GLIS3: variants seen among roughly 807,000 people sequenced by gnomAD.
The protein encoded by GLIS3 is zinc finger protein GLIS3.
GLIS3 carries 53 observed loss-of-function variants against 78.6 expected under a neutral mutation model. That is an observed-to-expected ratio of 0.67 (90% CI 0.54 to 0.85). The LOEUF (loss-of-function observed/expected upper bound fraction) is 0.85, where lower values mean the gene tolerates loss of function less well. GLIS3 is among the 40% of genes least tolerant of loss of function. The pLI is 0.00. For synonymous variants in GLIS3, 684 were observed against 509.9 expected, an observed-to-expected ratio of 1.34 and a Z score of -4.60; for missense variants, 1,703 against 1,231.1, an observed-to-expected ratio of 1.38 and a Z score of -5.74.
At chr9:4,188,876 C>T (rs199596383) in intron 2 of GLIS3, among the ~76,000 whole-genome samples, 4 of 152,040 alleles carry the variant, frequency 2.6e-5, no homozygotes, top group Admixed American at 2.6e-4. Context: ...ATCTATTTCA[C>T]TCTTCTCTCT....
Position 3,896,329 on chromosome 9 carries a change from A to AAGTT in GLIS3, c.2128+2358_2128+2361dup, listed in dbSNP as rs578248349. The stretch of plus-strand genomic sequence containing the variant: ...GCGTAACATTTTTTTAAAAGGAAGA[A>AAGTT]AGTTAGAAAGCAAAATCATACCTGA... On this transcript the variant is annotated intron_variant, in intron 7 of 10. Coordinates refer to ENST00000381971, the MANE Select transcript of GLIS3 (RefSeq NM_001042413.2). 1.1e-4 allele frequency among the ~76,000 whole-genome samples: 16 copies of AAGTT among 152,276 alleles called. No homozygotes were observed. The South Asian group carries it at 2.3e-3, about 22-fold the overall frequency.
intron 2 of GLIS3, among the ~76,000 whole-genome samples, chr9:4,344,869 C>T (rs1266566243): frequency 1.3e-5 from 2 of 152,212 alleles, no homozygotes; most frequent in African/African-American, 2.4e-5. Context: ...GCTCACCCAT[C>T]AGCGAATCTT....
At chr9:4,298,573 C>G in intron 1 of GLIS3, 1 of 313,840 alleles carries the variant, frequency 3.2e-6, no homozygotes, top group Non-Finnish European at 6.4e-6. Flanking sequence ...CCCGGGCCGA[C>G]TTCAAAATAC....
upstream of GLIS3, among the ~76,000 whole-genome samples, chr9:4,300,765 G>A (rs1817035308): frequency 6.6e-6 from 1 of 151,726 alleles, no homozygotes; most frequent in African/African-American, 2.4e-5. Context: ...CCCTCAAAAG[G>A]TTGTTACAAG....
At chr9:4,178,840 A>T (rs1817025114) in intron 2 of GLIS3, among the ~76,000 whole-genome samples, 1 of 152,208 alleles carries the variant, frequency 6.6e-6, no homozygotes, top group South Asian at 2.1e-4. Flanking sequence ...AGAAACAAAC[A>T]TCTTTGAGGG....
At chr9:4,307,438 C>A (rs1423469404) in intron 4 of GLIS3, among the ~76,000 whole-genome samples, 1 of 152,142 alleles carries the variant, frequency 6.6e-6, no homozygotes. Flanking sequence ...AGCCCCCAAG[C>A]CTGCTGTTTT....
chr9:3,988,563 T>C (rs889799692), intron 4 of GLIS3, among the ~76,000 whole-genome samples: 21 of 152,140 alleles, frequency 1.4e-4, no homozygotes, highest in African/African-American at 4.6e-4. Context: ...AATTAATACA[T>C]AGATCGATTG....
chr9:4,085,980 C>G (rs1034476975), intron 4 of GLIS3, among the ~76,000 whole-genome samples: 1 of 152,136 alleles, frequency 6.6e-6, no homozygotes, highest in African/African-American at 2.4e-5. Flanking sequence ...CAAGAATGGC[C>G]TAATACAATT....
At chr9:3,976,347 C>G (rs112346094) in intron 4 of GLIS3, among the ~76,000 whole-genome samples, 17 of 152,150 alleles carry the variant, frequency 1.1e-4, no homozygotes, top group African/African-American at 3.9e-4. Context: ...GACAGAGCTT[C>G]CAAAATCTGT....
intron 4 of GLIS3, among the ~76,000 whole-genome samples, chr9:3,983,295 T>TC (rs1226777783): frequency 6.6e-6 from 1 of 152,162 alleles, no homozygotes; most frequent in African/African-American, 2.4e-5. Context: ...TTGTGAGGTC[T>TC]CCCCAGCCAT....
the GLIS3 span, among the ~76,000 whole-genome samples, chr9:4,487,945 G>C: frequency 6.6e-6 from 1 of 152,126 alleles, no homozygotes; most frequent in Non-Finnish European, 1.5e-5. Context: ...TTCTGCCTCA[G>C]CCTCCCAAAC....
At chr9:3,869,458 A>G (rs1332414143) in intron 8 of GLIS3, among the ~76,000 whole-genome samples, 1 of 152,230 alleles carries the variant, frequency 6.6e-6, no homozygotes, top group East Asian at 1.9e-4. Context: ...ATTTCAAGAA[A>G]GCAATGTAGA....
intron 4 of GLIS3, among the ~76,000 whole-genome samples, chr9:4,050,000 G>A (rs1269420654): frequency 2.0e-5 from 3 of 152,088 alleles, no homozygotes; most frequent in Non-Finnish European, 4.4e-5. Flanking sequence ...ACTGTTGGTG[G>A]GACTGTAAAC....
chr9:3,896,670 T>TAA (rs60086001), intron 7 of GLIS3, among the ~76,000 whole-genome samples: 3 of 49,982 alleles, frequency 6.0e-5, no homozygotes. Flanking sequence ...CCATCTCAAT[T>TAA]AAAAAAAAAA....
intron 2 of GLIS3, among the ~76,000 whole-genome samples, chr9:4,275,228 G>A (rs904695683): frequency 6.6e-6 from 1 of 152,308 alleles, no homozygotes; most frequent in East Asian, 1.9e-4. Flanking sequence ...CATGTTCAGA[G>A]GGGCCAACTG....
intron 4 of GLIS3, among the ~76,000 whole-genome samples, chr9:4,000,565 T>G (rs536087492): frequency 6.6e-6 from 1 of 152,310 alleles, no homozygotes; most frequent in African/African-American, 2.4e-5. Context: ...AGAAAATATC[T>G]ACACCCAAAG....
chr9:4,022,385 G>A lies in GLIS3; in HGVS notation c.1711-85196C>T, dbSNP rs531171214. ...TTATAAAAGCACATTTTCAGCATGC[G>A]TTTTTAATGGAAAAATCCTTATCCA... On this transcript the variant is annotated intron_variant, in intron 4 of 10. Coordinates refer to ENST00000381971, the MANE Select transcript of GLIS3 (RefSeq NM_001042413.2). Among the ~76,000 whole-genome samples the A allele has an allele frequency of 6.6e-5, 10 of 152,222 alleles. No homozygotes were observed. The South Asian group carries it at 1.5e-3, about 22-fold the overall frequency.
rs140415058 is a variant in GLIS3 at position 4,158,090 on chromosome 9, A to G, written c.389-32149T>C. Among the ~76,000 whole-genome samples the G allele has an allele frequency of 1.7e-3, 264 of 152,298 alleles. 1 individual carries two copies. Among genetic ancestry groups the G allele is most frequent in the African/African-American group, 6.0e-3 (248 of 41,554 alleles). On this transcript the variant is annotated intron_variant, in intron 2 of 10. Transcript: ENST00000381971. ...GTAGTTTAACACACATGCCTCATCC[A>G]CACATATTTTCTTACAGTAGAGGGG... is the stretch of plus-strand genomic sequence containing the variant.
intron 2 of GLIS3, among the ~76,000 whole-genome samples, chr9:4,262,989 C>G (rs1461076103): frequency 6.6e-6 from 1 of 151,382 alleles, no homozygotes; most frequent in Non-Finnish European, 1.5e-5. Context: ...CACTGTGGCA[C>G]CCCAGGGTGC....
Sources: allele counts gnomAD v4.1 joint callset (sites outside exome capture counted in the v4.1 genomes callset), GRCh38; gene constraint gnomAD v4.1.1; transcripts MANE v1.5; gene names NCBI Gene and HGNC (gene_info 2026-07-23, HGNC 2026-07-21).